The following EBF4 variants were observed in gnomAD, a reference collection of about 807,000 sequenced individuals.
EBF4 encodes the protein transcription factor COE4.
EBF4 carries 34 observed loss-of-function variants against 67.1 expected under a neutral mutation model. That is an observed-to-expected ratio of 0.51 (90% CI 0.39 to 0.67). The LOEUF is 0.67. Among genes scored for constraint, EBF4 ranks in the 30% least tolerant of loss-of-function variants. EBF4 has a pLI of 0.00. For missense variants in EBF4, 837 were observed against 873.3 expected (o/e 0.96, Z 0.52); for synonymous variants, 387 against 377.7 (o/e 1.02, Z -0.29).
chr20:2,729,563 A>T (rs531426176), intron 6 of EBF4, among the ~76,000 whole-genome samples: 2 of 152,142 alleles, frequency 1.3e-5, no homozygotes, highest in East Asian at 3.9e-4. Context: ...CTTCCTCCCC[A>T]TTGAGATGGG....
chr20:2,723,442 C>T (rs1393811403), intron 6 of EBF4, among the ~76,000 whole-genome samples: 1 of 152,070 alleles, frequency 6.6e-6, no homozygotes, highest in African/African-American at 2.4e-5. Context: ...GCTCAGCCTC[C>T]CGGGTTCACG....
chr20:2,709,580 C>T, exon 6 of EBF4: 1 of 1,554,862 alleles, frequency 6.4e-7, no homozygotes. Flanking sequence ...TCAGCCGGTG[C>T]TGTGACCGGA....
At chr20:2,743,311 G>A (rs1411434562) in intron 6 of EBF4, among the ~76,000 whole-genome samples, 11 of 152,336 alleles carry the variant, frequency 7.2e-5, no homozygotes. Flanking sequence ...CGGAGGGTCG[G>A]CAGTCTCTCT....
chr20:2,742,870 G>A (rs1292637628), intron 6 of EBF4, among the ~76,000 whole-genome samples: 1 of 152,164 alleles, frequency 6.6e-6, no homozygotes, highest in Admixed American at 6.5e-5. Context: ...CCTCAACAAA[G>A]TGCACATCCC....
At chr20:2,711,807 C>T (rs145680181) in intron 6 of EBF4, among the ~76,000 whole-genome samples, 1 of 151,992 alleles carries the variant, frequency 6.6e-6, no homozygotes, top group African/African-American at 2.4e-5. Context: ...GTGATAACAG[C>T]TAAGAAAAAT....
At chr20:2,702,299 A>T (rs1414981504) in intron 1 of EBF4, among the ~76,000 whole-genome samples, 2 of 152,172 alleles carry the variant, frequency 1.3e-5, no homozygotes, top group African/African-American at 2.4e-5. Flanking sequence ...ATGGTGGCTC[A>T]TGCCTGTAGT....
exon 13 of EBF4, chr20:2,752,208 C>A: frequency 1.4e-6 from 2 of 1,410,064 alleles, no homozygotes; most frequent in Non-Finnish European, 1.8e-6. Context: ...GCATCAACGC[C>A]TTCAGCAGCC....
chr20:2,728,384 G>A (rs2087771228), intron 6 of EBF4, among the ~76,000 whole-genome samples: 1 of 152,162 alleles, frequency 6.6e-6, no homozygotes, highest in Admixed American at 6.5e-5. Context: ...TCCTGGCTTG[G>A]TCCTGCCTTG....
chr20:2,699,237 C>T (rs2087340316), intron 1 of EBF4, among the ~76,000 whole-genome samples: 1 of 152,234 alleles, frequency 6.6e-6, no homozygotes. Context: ...CACTCTGGAG[C>T]ACAGTCCACC....
chr20:2,705,205 G>T (rs2087433909), intron 1 of EBF4, among the ~76,000 whole-genome samples: 1 of 152,252 alleles, frequency 6.6e-6, no homozygotes, highest in Non-Finnish European at 1.5e-5. Context: ...AGCCCTAAAG[G>T]GCAGTCACAA....
At chr20:2,728,036 C>G (rs2087767818) in intron 6 of EBF4, among the ~76,000 whole-genome samples, 1 of 152,120 alleles carries the variant, frequency 6.6e-6, no homozygotes, top group Non-Finnish European at 1.5e-5. Flanking sequence ...TTAATTGTGT[C>G]ACTTTTATTG....
At chr20:2,753,175 A>G (rs1029638822) in intron 14 of EBF4, among the ~76,000 whole-genome samples, 2 of 152,196 alleles carry the variant, frequency 1.3e-5, no homozygotes, top group African/African-American at 4.8e-5. Flanking sequence ...AATAGGGTCA[A>G]TTCCACCCCC....
intron 6 of EBF4, among the ~76,000 whole-genome samples, chr20:2,728,646 C>T (rs1008107768): frequency 6.6e-6 from 1 of 152,088 alleles, no homozygotes; most frequent in African/African-American, 2.4e-5. Context: ...TCTCAAATCC[C>T]CCATCCAGGA....
In EBF4 at chr20:2,751,995, G is replaced by A. The variant is rs948727811; in HGVS notation, c.1173+8G>A. 2.1e-5 allele frequency: 33 copies of A among 1,541,386 alleles called. No individual in the cohort carries two copies. The East Asian group carries it at 7.5e-4, about 35-fold the overall frequency. Reference sequence around the variant, plus strand: ...GTGCCCGGCAGTAACCAGGTATGGCGCCTCCGCCCTCCCAGCGCCGCCGGG... The same window carrying A: ...GTGCCCGGCAGTAACCAGGTATGGCACCTCCGCCCTCCCAGCGCCGCCGGG... On this transcript the variant is annotated splice_region_variant and intron_variant, in intron 12 of 16. Transcript: ENST00000609451. This position sits in a 1 kb window ranked among gnomAD's most constrained non-coding sequence, Gnocchi z 5.2.
chr20:2,712,062 T>A (rs2087551757), intron 6 of EBF4, among the ~76,000 whole-genome samples: 1 of 152,046 alleles, frequency 6.6e-6, no homozygotes, highest in South Asian at 2.1e-4. Context: ...ATGTCAGGAA[T>A]AATGAATGGG....
chr20:2,714,745 A>G (rs1459929320), intron 6 of EBF4, among the ~76,000 whole-genome samples: 1 of 152,214 alleles, frequency 6.6e-6, no homozygotes, highest in Non-Finnish European at 1.5e-5. Context: ...TGAGTTGTCC[A>G]TATTTTTTCA....
At chr20:2,710,544 T>G (rs1458709488) in intron 6 of EBF4, among the ~76,000 whole-genome samples, 1 of 149,658 alleles carries the variant, frequency 6.7e-6, no homozygotes, top group East Asian at 2.0e-4. Flanking sequence ...TCCACCCCTA[T>G]GTAGAGCATA....
intron 6 of EBF4, among the ~76,000 whole-genome samples, chr20:2,723,446 G>T (rs1472189576): frequency 6.6e-6 from 1 of 152,036 alleles, no homozygotes; most frequent in Non-Finnish European, 1.5e-5. Flanking sequence ...AGCCTCCCGG[G>T]TTCACGCCAT....
rs2088061457 is a variant in EBF4, at chr20:2,747,123, C to T, written c.558-1426C>T. 6.6e-6 allele frequency among the ~76,000 whole-genome samples: 1 copy of T among 152,118 alleles called. No individual in the cohort carries two copies. Among genetic ancestry groups the T allele is most frequent in the African/African-American group, 2.4e-5 (1 of 41,428 alleles). On this transcript the variant is annotated intron_variant, in intron 6 of 16. Coordinates refer to ENST00000609451, the Ensembl canonical transcript of EBF4. The surrounding 1 kb of genome is among the most constrained non-coding windows in gnomAD (Gnocchi z 4.6). ...CCTGGCCAACATGGCAAAACACCGT[C>T]TCTACTAAAACTACAAAAAGTAGCC...
Sources: allele counts gnomAD v4.1 joint callset (sites outside exome capture counted in the v4.1 genomes callset), GRCh38; gene constraint gnomAD v4.1.1; non-coding constraint Gnocchi (gnomAD v3.1); transcripts MANE v1.5; gene names NCBI Gene and HGNC (gene_info 2026-07-23, HGNC 2026-07-21).